SEZ6: variants seen among roughly 807,000 people sequenced by gnomAD.
SEZ6 encodes the protein seizure related 6 homolog.
In SEZ6, 53 loss-of-function variants were observed where a neutral mutation model predicts 101.0. The ratio of observed to expected loss-of-function variants is 0.52; its 90% confidence interval spans 0.42 to 0.66. The LOEUF is 0.66. SEZ6 is among the 30% of genes least tolerant of loss of function. The pLI is 0.00. For synonymous variants in SEZ6, 488 were observed against 512.2 expected, an observed-to-expected ratio of 0.95 and a Z score of 0.64; for missense variants, 1,102 against 1,289.4, an observed-to-expected ratio of 0.85 and a Z score of 2.23.
chr17:29,006,004 G>T lies in SEZ6; in HGVS notation c.-135C>A. The T allele has an allele frequency of 1.5e-6, 1 of 665,914 alleles. No homozygotes were observed. The highest frequency in any genetic ancestry group is 6.0e-5 in the South Asian group (1 of 16,798). The allele number at this position is 665,914 out of a possible 1,614,324, so 41.3% of individuals were successfully genotyped here. ...GGCCGCAGCCGTCACCGCCGCTGCCGCCGCCAGCGCCTGACAGAATCAGCA... is the reference window on the plus strand; with the variant it reads ...GGCCGCAGCCGTCACCGCCGCTGCCTCCGCCAGCGCCTGACAGAATCAGCA... On this transcript the variant is annotated 5_prime_UTR_variant, in exon 1 of 17. Coordinates refer to ENST00000317338, the MANE Select transcript of SEZ6 (RefSeq NM_178860.5).
At chr17:28,991,231 A>T (rs991185795) in intron 1 of SEZ6, among the ~76,000 whole-genome samples, 7 of 126,162 alleles carry the variant, frequency 5.5e-5, no homozygotes, top group African/African-American at 2.2e-4. Flanking sequence ...TTGAGACGGA[A>T]TCTCGCTCTG....
chr17:28,998,284 C>A (rs1442805904), intron 1 of SEZ6, among the ~76,000 whole-genome samples: 3 of 152,102 alleles, frequency 2.0e-5, no homozygotes, highest in South Asian at 2.1e-4. Context: ...AAGTTCTGTC[C>A]TCCCAGACTC....
intron 1 of SEZ6, among the ~76,000 whole-genome samples, chr17:28,999,544 GT>G (rs2041587478): frequency 6.6e-6 from 1 of 152,188 alleles, no homozygotes; most frequent in Non-Finnish European, 1.5e-5. Flanking sequence ...GAAGCCGCAG[GT>G]TTGTTTGCTC....
At position 28,956,479 on chromosome 17, in the gene SEZ6, G is replaced by T; in HGVS notation, c.2732-12C>A. ...AGGTGCCTTGGCAACTGAAGACACA[G>T]AGGGTGTGACTGGAGCAGAGGTCTC... On this transcript the variant is annotated splice_polypyrimidine_tract_variant and intron_variant, in intron 14 of 16. Coordinates refer to ENST00000317338, the MANE Select transcript of SEZ6 (RefSeq NM_178860.5). The T allele has an allele frequency of 6.5e-7, 1 of 1,549,352 alleles. No individual in the cohort carries two copies. The highest frequency in any genetic ancestry group is 8.7e-7 in the Non-Finnish European group (1 of 1,147,238).
At chr17:28,994,325 G>A (rs1372150335) in intron 1 of SEZ6, among the ~76,000 whole-genome samples, 1 of 152,032 alleles carries the variant, frequency 6.6e-6, no homozygotes, top group African/African-American at 2.4e-5. Context: ...ACCCAGGCTG[G>A]AGTACAGTGG....
rs749085922 is a variant in SEZ6, at chr17:28,979,731, C to G, written c.807G>C (p.Leu269=). The change falls in exon 3 of 17, where the codon CTG becomes CTC. Residue 269 remains leucine (L), a synonymous_variant. Coordinates refer to ENST00000317338, the MANE Select transcript of SEZ6 (RefSeq NM_178860.5). ...TDLSSPTDVG[L]DCFFYISVYP... ...AGACAGAGATGTAGAAGAAGCAGTC[C>G]AGGCCAACATCAGTGGGGGAGCTGA... 1.9e-6 allele frequency: 3 copies of G among 1,613,934 alleles called. No homozygotes were observed. Among genetic ancestry groups the G allele is most frequent in the Non-Finnish European group, 2.5e-6 (3 of 1,179,864 alleles).
At chr17:28,964,689 G>A (rs1328334772) in intron 4 of SEZ6, among the ~76,000 whole-genome samples, 1 of 152,218 alleles carries the variant, frequency 6.6e-6, no homozygotes, top group Admixed American at 6.5e-5. Flanking sequence ...AGTGAAATCA[G>A]ACAGTAAAGG....
At chr17:29,001,167 C>A (rs2041609976) in intron 1 of SEZ6, among the ~76,000 whole-genome samples, 1 of 152,200 alleles carries the variant, frequency 6.6e-6, no homozygotes, top group Admixed American at 6.5e-5. Flanking sequence ...GTAAAAATAG[C>A]ATGCTTGCTA....
chr17:28,993,172 C>T (rs185463516), intron 1 of SEZ6, among the ~76,000 whole-genome samples: 1 of 152,218 alleles, frequency 6.6e-6, no homozygotes, highest in East Asian at 1.9e-4. Flanking sequence ...CCTCACCCTG[C>T]TTATGCCACC....
At chr17:28,965,149 C>T (rs889670096) in intron 4 of SEZ6, among the ~76,000 whole-genome samples, 2 of 151,864 alleles carry the variant, frequency 1.3e-5, no homozygotes, top group African/African-American at 2.4e-5. Context: ...GTCAGGAGGT[C>T]GAGACCAGCC....
chr17:28,960,967 C>G lies in SEZ6; in HGVS notation c.1247G>C (p.Cys416Ser). Residue 416 changes from cysteine (C) to serine (S), a missense_variant, in exon 6 of 17, where the codon TGC becomes TCC. Transcript: ENST00000317338. The stretch of plus-strand genomic sequence containing the variant: ...GGTGGCATTGCGGATCACTCCGCCG[C>G]AAGCAGCTGTTAAGACCAGGACAGG... ...DSKEPVCIAACGGVIRNATTG... is the reference protein window; with the variant it reads ...DSKEPVCIAASGGVIRNATTG... 1 of 1,612,890 alleles carries G rather than the reference C, an allele frequency of 6.2e-7. No homozygotes were observed. Among genetic ancestry groups the G allele is most frequent in the South Asian group, 1.1e-5 (1 of 91,034 alleles).
intron 1 of SEZ6, among the ~76,000 whole-genome samples, chr17:28,991,545 A>G (rs2041457971): frequency 6.6e-6 from 1 of 152,182 alleles, no homozygotes; most frequent in African/African-American, 2.4e-5. Flanking sequence ...AGTGGCTACC[A>G]TAATGGAAAG....
In SEZ6 at chr17:28,957,931, G is replaced by A; in HGVS notation, c.2302+16C>T. ...TTTGTGTTGGGAAGGGGAGCGTGGGGAACAGGTATACTCACCCCTCTGGCA... is the reference window on the plus strand; with the variant it reads ...TTTGTGTTGGGAAGGGGAGCGTGGGAAACAGGTATACTCACCCCTCTGGCA... On this transcript the variant is annotated intron_variant, in intron 11 of 16. Transcript: ENST00000317338. The A allele has an allele frequency of 6.2e-7, 1 of 1,604,018 alleles. No homozygotes were observed. Among genetic ancestry groups the A allele is most frequent in the South Asian group, 1.1e-5 (1 of 90,802 alleles).
chr17:28,970,103 C>G (rs2041130506), intron 3 of SEZ6, among the ~76,000 whole-genome samples, 151 bp from the exon 4 acceptor site: 1 of 152,220 alleles, frequency 6.6e-6, no homozygotes, highest in Admixed American at 6.5e-5. Context: ...CTGGGCACTT[C>G]AGCAGTGCAG....
chr17:28,982,213 C>T (rs766369705), intron 1 of SEZ6, among the ~76,000 whole-genome samples, 174 bp from the exon 2 acceptor site: 5 of 152,170 alleles, frequency 3.3e-5, no homozygotes, highest in Non-Finnish European at 7.3e-5. Context: ...GGTGCTATTA[C>T]ATACTTCAAG....
In SEZ6 at chr17:28,960,884, G is replaced by A; in HGVS notation, c.1330C>T (p.His444Tyr). 6.2e-7 allele frequency: 1 copy of A among 1,613,978 alleles called. No homozygotes were observed. The highest frequency in any genetic ancestry group is 8.5e-7 in the Non-Finnish European group (1 of 1,179,864). Residue 444 changes from histidine (H) to tyrosine (Y), a missense_variant, in exon 6 of 17, where the codon CAC (histidine) becomes TAC (tyrosine). By Grantham distance (83) the His-to-Tyr change is moderately conservative. Around this residue, in one of 3 missense-constraint regions of SEZ6, gnomAD observed 556 missense variants for 735.1 expected, o/e 0.76. Coordinates refer to ENST00000317338, the MANE Select transcript of SEZ6 (RefSeq NM_178860.5). ...CCCTCAGGAGCCTCAAGCAGCCAGT[G>A]ACAGGTGAGGTTGTTGCTGTAGTTG... ...PGNYSNNLTC[H>Y]WLLEAPEGQR... is the part of the protein sequence containing the mutation.
intron 1 of SEZ6, among the ~76,000 whole-genome samples, chr17:28,999,242 GT>G (rs2152693392): frequency 6.6e-6 from 1 of 152,238 alleles, no homozygotes; most frequent in East Asian, 1.9e-4. Flanking sequence ...GGCCTTCCAG[GT>G]ATGAAAAAAT....
chr17:28,986,940 C>A (rs935277821), intron 1 of SEZ6, among the ~76,000 whole-genome samples: 1 of 152,214 alleles, frequency 6.6e-6, no homozygotes, highest in African/African-American at 2.4e-5. Context: ...AGGCATTTCC[C>A]AAGCCTCTGG....
rs774491603 is a variant in SEZ6 at position 28,963,963 on chromosome 17, G to A, written c.1239C>T (p.Ile413=). 9.9e-6 allele frequency: 16 copies of A among 1,609,704 alleles called. 1 individual carries two copies. The Admixed American group carries it at 1.5e-4, about 15-fold the overall frequency. The stretch of plus-strand genomic sequence containing the variant: ...GAGCCCTTTCCCCTGGGCACTCACC[G>A]ATGCAGACGGGCTCCTTTGAATCCC... The part of the protein sequence containing the change: ...PFWDSKEPVC[I]AACGGVIRNA... Residue 413 remains isoleucine, a splice_region_variant and synonymous_variant, in exon 5 of 17, where the codon ATC becomes ATT. Coordinates refer to ENST00000317338, the MANE Select transcript of SEZ6 (RefSeq NM_178860.5).
Sources: gnomAD v4.1 joint callset for allele counts (sites outside exome capture counted in the v4.1 genomes callset) on GRCh38, gnomAD v4.1.1 for gene constraint, gnomAD v4.1.1 regional missense constraint, MANE v1.5 for transcripts, NCBI Gene and HGNC (gene_info 2026-07-23, HGNC 2026-07-21) for gene names.